The following ZNF730 variants were observed in gnomAD, a reference collection of about 807,000 sequenced individuals.
ZNF730 encodes zinc finger protein 730, also known as putative zinc finger protein 730.
ZNF730 carries 12 observed loss-of-function variants against 12.6 expected under a neutral mutation model. That is an observed-to-expected ratio of 0.95 (90% CI 0.61 to 1.54). The LOEUF (loss-of-function observed/expected upper bound fraction) is 1.54, where lower values mean the gene tolerates loss of function less well. ZNF730 is among the 40% of genes most tolerant of loss of function. The pLI is 0.00. For synonymous variants in ZNF730, 194 were observed against 195.8 expected, an observed-to-expected ratio of 0.99 and a Z score of 0.08; for missense variants, 643 against 583.5, an observed-to-expected ratio of 1.10 and a Z score of -1.05.
In ZNF730 at chr19:23,136,427, C is replaced by T. The variant is rs542389427; in HGVS notation, c.226+384C>T. 2.1e-4 allele frequency among the ~76,000 whole-genome samples: 32 copies of T among 151,942 alleles called. 1 individual carries two copies. Among genetic ancestry groups the T allele is most frequent in the South Asian group, 6.2e-4 (3 of 4,816 alleles). On this transcript the variant is annotated intron_variant, in intron 3 of 3. Coordinates refer to ENST00000597761, the MANE Select transcript of ZNF730 (RefSeq NM_001277403.2). ...TTTTATTTATTTATTTTTTTTGAGA[C>T]GGAGTCTTGCACTATCACCAGGGCT... is the stretch of plus-strand genomic sequence containing the variant.
intron 2 of ZNF730, among the ~76,000 whole-genome samples, chr19:23,134,904 C>G (rs1170506612): frequency 3.4e-5 from 3 of 87,302 alleles, no homozygotes; most frequent in Admixed American, 1.4e-4. Flanking sequence ...GCCTTGGGAT[C>G]CTGTTGATCT....
chr19:23,139,956 G>A (rs117623105), intron 3 of ZNF730, among the ~76,000 whole-genome samples: 36 of 152,112 alleles, frequency 2.4e-4, no homozygotes, highest in Non-Finnish European at 4.6e-4. Flanking sequence ...AGTTTATTGT[G>A]TTTGCTGGTT....
chr19:23,092,973 C>T (rs1261725122), intron 1 of ZNF730, among the ~76,000 whole-genome samples: 4 of 152,026 alleles, frequency 2.6e-5, no homozygotes, highest in Admixed American at 2.6e-4. Flanking sequence ...GTCCCTTCTC[C>T]TCAATTGTTT....
In ZNF730 at chr19:23,146,354, C is replaced by G; in HGVS notation, c.1310C>G (p.Ser437Ter). Residue 437 changes from serine to a stop codon, truncating the protein, a stop_gained, in exon 4 of 4, where the codon TCA (serine) becomes TGA (stop). Transcript: ENST00000597761. LOFTEE classifies it low-confidence loss of function (END_TRUNC). Reference protein sequence around the residue: ...EECGRAFNQSSTLTTHKRIHT... With the variant: ...EECGRAFNQS ...TGTGGCAGAGCTTTCAACCAGTCCTCAACCCTTACTACACATAAAAGAATT... is the reference window on the plus strand; with the variant it reads ...TGTGGCAGAGCTTTCAACCAGTCCTGAACCCTTACTACACATAAAAGAATT... 8 of 1,613,516 alleles carry G rather than the reference C, an allele frequency of 5.0e-6. No homozygotes were observed. The highest frequency in any genetic ancestry group is 6.8e-6 in the Non-Finnish European group (8 of 1,179,844).
At chr19:23,135,885 G>A in intron 2 of ZNF730, 63 bp from the exon 3 acceptor site, 1 of 1,401,832 alleles carries the variant, frequency 7.1e-7, no homozygotes, top group Non-Finnish European at 9.9e-7. Context: ...TCTTTACTGA[G>A]AGCATTACTA....
chr19:23,139,670 A>G (rs973132326), intron 3 of ZNF730, among the ~76,000 whole-genome samples: 6 of 151,982 alleles, frequency 3.9e-5, no homozygotes, highest in African/African-American at 1.5e-4. Flanking sequence ...GACTACAGGC[A>G]CCTGCCACCA....
intron 1 of ZNF730, among the ~76,000 whole-genome samples, chr19:23,125,073 G>C (rs1371212210): frequency 6.6e-6 from 1 of 152,076 alleles, no homozygotes; most frequent in Non-Finnish European, 1.5e-5. Flanking sequence ...CCCTGCACAA[G>C]CTCTCGTTTT....
At chr19:23,076,398 T>C (rs797800) in intron 1 of ZNF730, among the ~76,000 whole-genome samples, 68,164 of 152,078 alleles carry the variant, frequency 0.45, 18,006 homozygotes, top group African/African-American at 0.75. Context: ...CTTCCCTAGG[T>C]ACACACACCT....
chr19:23,093,710 C>G (rs1970197008), intron 1 of ZNF730, among the ~76,000 whole-genome samples: 1 of 152,210 alleles, frequency 6.6e-6, no homozygotes, highest in South Asian at 2.1e-4. Context: ...CCTCTCCCAC[C>G]CCAGGGGTAG....
chr19:23,117,007 C>T (rs1970537192), upstream of ZNF730: 2 of 1,310,534 alleles, frequency 1.5e-6, no homozygotes, highest in Non-Finnish European at 2.1e-6. Flanking sequence ...GACAGGGCGG[C>T]TTCCGGGATT....
chr19:23,098,551 T>G (rs1369218484), intron 1 of ZNF730: 1 of 152,186 alleles, frequency 6.6e-6, no homozygotes, highest in Non-Finnish European at 1.5e-5. Flanking sequence ...CTGCATCTAT[T>G]ACATAAAAAA....
upstream of ZNF730, among the ~76,000 whole-genome samples, chr19:23,116,573 C>CTTTTTTTTTTTTTTT (rs5827552): frequency 1.2e-4 from 10 of 86,932 alleles, no homozygotes; most frequent in East Asian, 3.8e-4. Context: ...CTCCCAGCTA[C>CTTTTTTTTTTTTTTT]TTTTTTTTTT....
intron 1 of ZNF730, among the ~76,000 whole-genome samples, chr19:23,095,837 C>T (rs1021791218): frequency 6.6e-6 from 1 of 152,166 alleles, no homozygotes; most frequent in Non-Finnish European, 1.5e-5. Context: ...TCTGCCTGTG[C>T]TTTGCCTACA....
chr19:23,146,241 A>G lies in ZNF730; in HGVS notation c.1197A>G (p.Glu399=). 3 of 1,613,478 alleles carry G rather than the reference A, an allele frequency of 1.9e-6. No individual in the cohort carries two copies. Among genetic ancestry groups the G allele is most frequent in the Non-Finnish European group, 2.5e-6 (3 of 1,179,646 alleles). The stretch of plus-strand genomic sequence containing the variant: ...CTGTAGAGAAATTTTACAAATGTGA[A>G]GAATGTGGCAAAGCCTTTAGCCGTA... ...IHTVEKFYKC[E]ECGKAFSRIS... Residue 399 remains glutamate (E), a synonymous_variant, in exon 4 of 4, where the codon GAA becomes GAG. Coordinates refer to ENST00000597761, the MANE Select transcript of ZNF730 (RefSeq NM_001277403.2).
rs1312952303 is a variant in ZNF730 at position 23,146,314 on chromosome 19, T to C, written c.1270T>C (p.Tyr424His). 3.1e-6 allele frequency: 5 copies of C among 1,613,576 alleles called. No individual in the cohort carries two copies. The highest frequency in any genetic ancestry group is 1.3e-5 in the African/African-American group (1 of 74,994). Residue 424 changes from tyrosine (Y) to histidine (H), a missense_variant, in exon 4 of 4, where the codon TAC becomes CAC. Tyr to His is a moderately conservative substitution (Grantham distance 83). Coordinates refer to ENST00000597761, the MANE Select transcript of ZNF730 (RefSeq NM_001277403.2). ...HKRIHTGEKP[Y>H]KCEECGRAFN... ...GAGAATTCATACTGGAGAGAAACCC[T>C]ACAAATGTGAAGAATGTGGCAGAGC...
intron 3 of ZNF730, 148 bp downstream of exon 3, chr19:23,136,191 T>C (rs1970829987): frequency 1.9e-6 from 1 of 526,940 alleles, no homozygotes; most frequent in African/African-American, 2.0e-5. Context: ...TTTTTATTTA[T>C]TTTTTTTCCT....
At chr19:23,087,530 G>T (rs898866668) in intron 1 of ZNF730, among the ~76,000 whole-genome samples, 1 of 151,958 alleles carries the variant, frequency 6.6e-6, no homozygotes, top group Admixed American at 6.6e-5. Context: ...GCATATTCTC[G>T]ATATAAGATT....
At chr19:23,129,205 TTAC>T (rs1316103065) in intron 1 of ZNF730, among the ~76,000 whole-genome samples, 2 of 152,162 alleles carry the variant, frequency 1.3e-5, no homozygotes, top group African/African-American at 4.8e-5. Context: ...CACAGAGTCC[TTAC>T]TGGGGCACCG....
intron 1 of ZNF730, among the ~76,000 whole-genome samples, chr19:23,124,531 A>G (rs1172916006): frequency 6.6e-6 from 1 of 152,208 alleles, no homozygotes; most frequent in African/African-American, 2.4e-5. Flanking sequence ...ATCATTGGGC[A>G]ATCAACCCAG....
Sources: allele counts gnomAD v4.1 joint callset (sites outside exome capture counted in the v4.1 genomes callset), GRCh38; gene constraint gnomAD v4.1.1; transcripts MANE v1.5; gene names NCBI Gene and HGNC (gene_info 2026-07-23, HGNC 2026-07-21).